Variants in FAM186B observed in about 807,000 individuals in gnomAD.
The protein encoded by FAM186B is family with sequence similarity 186 member B.
FAM186B carries 68 observed loss-of-function variants against 83.4 expected under a neutral mutation model. The ratio of observed to expected loss-of-function variants is 0.81; its 90% CI spans 0.67 to 1.00. The LOEUF (loss-of-function observed/expected upper bound fraction) is 1.00. Among genes scored for constraint, FAM186B ranks in the 50% least tolerant of loss-of-function variants. The probability of loss-of-function intolerance (pLI) is 0.00; values close to 1 mark genes in which losing one functional copy is unlikely to be tolerated. For missense variants in FAM186B, 983 were observed against 1,099.2 expected (o/e 0.89, Z 1.49); for synonymous variants, 389 against 422.0 (o/e 0.92, Z 0.96).
At position 49,599,972 on chromosome 12, in the gene FAM186B, C is replaced by T; in HGVS notation, c.1668G>A (p.Glu556=). Residue 556 remains glutamate (E), a synonymous_variant, in exon 4 of 7, where the codon GAG becomes GAA. Coordinates refer to ENST00000257894, the MANE Select transcript of FAM186B (RefSeq NM_032130.3). ...REPEQLGEDV[E]RRIFTPTSRW... ...GACTGGTGGGTGTGAAGATCCTCCT[C>T]TCCACATCCTCCCCTAGCTGCTCTG... is the stretch of plus-strand genomic sequence containing the variant. 1 of 1,613,814 alleles carries T rather than the reference C, an allele frequency of 6.2e-7. No homozygotes were observed. The highest frequency in any genetic ancestry group is 2.2e-5 in the East Asian group (1 of 44,880).
At chr12:49,592,146 T>A (rs538283354) in intron 5 of FAM186B, among the ~76,000 whole-genome samples, 3 of 152,274 alleles carry the variant, frequency 2.0e-5, no homozygotes, top group East Asian at 3.9e-4. Flanking sequence ...TGAAATAATA[T>A]TATTTGAAAG....
rs1233476196 is a variant in FAM186B, at chr12:49,605,626, A to ACCAGGTT, written c.-156_-150dup. On this transcript the variant is annotated 5_prime_UTR_variant, in exon 1 of 7. Transcript: ENST00000257894. ...ACAGCTCCTCTGGTAACTGCCAAACACCAGGTTCCAACTGATCCTCTTTTC... is the reference window on the plus strand; with the variant it reads ...ACAGCTCCTCTGGTAACTGCCAAACACCAGGTTCCAGGTTCCAACTGATCCTCTTTTC... 2.8e-6 allele frequency: 2 copies of ACCAGGTT among 723,156 alleles called. No homozygotes were observed. The highest frequency in any genetic ancestry group is 4.5e-6 in the Non-Finnish European group (2 of 448,800). 44.8% of individuals were successfully genotyped at this position (723,156 alleles called of 1,614,324 possible). A position where few individuals can be genotyped will look rare whatever the true frequency, so the allele number is the denominator to read the frequency against.
the FAM186B span, among the ~76,000 whole-genome samples, chr12:49,615,508 G>T: frequency 6.6e-6 from 1 of 152,148 alleles, no homozygotes; most frequent in East Asian, 1.9e-4. Context: ...TTATACAAAT[G>T]GGCCAGGTGC....
intron 3 of FAM186B, among the ~76,000 whole-genome samples, chr12:49,602,047 T>A (rs1565812328): frequency 1.3e-5 from 2 of 152,242 alleles, no homozygotes; most frequent in Non-Finnish European, 2.9e-5. Context: ...CTGATTTGCC[T>A]TGGGCAATTT....
chr12:49,588,155 C>T (rs1939492043), intron 6 of FAM186B, among the ~76,000 whole-genome samples: 1 of 152,232 alleles, frequency 6.6e-6, no homozygotes, highest in Non-Finnish European at 1.5e-5. Context: ...CAAATCGATG[C>T]TCAGGGTAGA....
At chr12:49,613,526 CA>C in the FAM186B span, among the ~76,000 whole-genome samples, 3,356 of 102,686 alleles carry the variant, frequency 0.033, 52 homozygotes, top group Middle Eastern at 0.065. Flanking sequence ...GACTCCATCT[CA>C]AAAAAAAAAA....
In FAM186B at chr12:49,604,309, T is replaced by C; in HGVS notation, c.322+4A>G. ...GAGGCACGGTGCCCAGCCTGCAAAC[T>C]CACCCCAGTCACCCAGCCAGCGGAG... On this transcript the variant is annotated splice_donor_region_variant and intron_variant, in intron 2 of 6. Transcript: ENST00000257894. 5 of 1,611,884 alleles carry C rather than the reference T, an allele frequency of 3.1e-6. No homozygotes were observed. The highest frequency in any genetic ancestry group is 3.4e-6 in the Non-Finnish European group (4 of 1,178,114).
At position 49,599,622 on chromosome 12, in the gene FAM186B, A is replaced by G. The variant is rs1392014170; in HGVS notation, c.2018T>C (p.Leu673Pro). ...CTCAGACTCCTCACTCAGGAGCTGC[A>G]GGTTCTTCCTCTGGGCCTCCATGTC... Reference protein sequence around the residue: ...HMDMEAQRKNLQLLSEESELR... With the variant: ...HMDMEAQRKNPQLLSEESELR... Residue 673 changes from leucine (L) to proline (P), a missense_variant, in exon 4 of 7, where the codon CTG becomes CCG. Leu to Pro is a moderately conservative substitution (Grantham distance 98). Coordinates refer to ENST00000257894, the MANE Select transcript of FAM186B (RefSeq NM_032130.3). The G allele has an allele frequency of 2.5e-6, 4 of 1,610,312 alleles. No individual in the cohort carries two copies. Among genetic ancestry groups the G allele is most frequent in the African/African-American group, 1.3e-5 (1 of 74,800 alleles).
chr12:49,591,776 A>G (rs1939586257), intron 5 of FAM186B, among the ~76,000 whole-genome samples: 1 of 152,210 alleles, frequency 6.6e-6, no homozygotes, highest in African/African-American at 2.4e-5. Context: ...ACATGCTTAT[A>G]TAAAATGGTG....
the FAM186B span, among the ~76,000 whole-genome samples, chr12:49,622,154 C>T: frequency 6.6e-6 from 1 of 152,222 alleles, no homozygotes; most frequent in Non-Finnish European, 1.5e-5. Flanking sequence ...ATCGCGGCAG[C>T]CCCCGGGGGA....
At chr12:49,604,941 G>GTTA (rs1939978544) in intron 1 of FAM186B, among the ~76,000 whole-genome samples, 1 of 152,146 alleles carries the variant, frequency 6.6e-6, no homozygotes, top group Non-Finnish European at 1.5e-5. Flanking sequence ...GAAACTCTAG[G>GTTA]ATCAGAGGCT....
the FAM186B span, among the ~76,000 whole-genome samples, chr12:49,611,657 G>A: frequency 1.1e-3 from 1 of 928 alleles, no homozygotes; most frequent in Non-Finnish European, 2.7e-3. Context: ...TCAGGGGATC[G>A]AGACCATCCT....
intron 5 of FAM186B, among the ~76,000 whole-genome samples, chr12:49,590,243 CAA>C (rs1378616444): frequency 6.6e-6 from 1 of 151,628 alleles, no homozygotes; most frequent in Non-Finnish European, 1.5e-5. Context: ...TTTATCTAAA[CAA>C]AGAGAAAAGG....
chr12:49,594,788 T>A (rs1162056865), intron 5 of FAM186B, among the ~76,000 whole-genome samples: 1 of 151,708 alleles, frequency 6.6e-6, no homozygotes, highest in Non-Finnish European at 1.5e-5. Context: ...GGCAAGAGAA[T>A]CGCCTGAACC....
At chr12:49,615,259 T>C in the FAM186B span, among the ~76,000 whole-genome samples, 1,106 of 152,156 alleles carry the variant, frequency 7.3e-3, 12 homozygotes, top group African/African-American at 0.025. Context: ...CAAAAACCTA[T>C]TGAAATTTTT....
chr12:49,585,727 G>A (rs918217086), downstream of FAM186B, among the ~76,000 whole-genome samples: 2 of 152,190 alleles, frequency 1.3e-5, no homozygotes, highest in African/African-American at 2.4e-5. Context: ...CAGGGGAGCC[G>A]GTGAGGTCGG....
At chr12:49,586,763 G>A (rs771583026), downstream of FAM186B, among the ~76,000 whole-genome samples, 4 of 152,248 alleles carry the variant, frequency 2.6e-5, no homozygotes, top group African/African-American at 4.8e-5. Context: ...TGCACTGGGT[G>A]GGCTGGAATG....
chr12:49,614,635 C>T, the FAM186B span, among the ~76,000 whole-genome samples: 1 of 152,030 alleles, frequency 6.6e-6, no homozygotes, highest in Non-Finnish European at 1.5e-5. Flanking sequence ...GCACTGTGCT[C>T]AATATCTGGG....
the FAM186B span, among the ~76,000 whole-genome samples, chr12:49,620,287 G>T: frequency 6.6e-6 from 1 of 152,152 alleles, no homozygotes; most frequent in African/African-American, 2.4e-5. Context: ...GCATGTTTTG[G>T]ATGTTATATG....
Sources: gnomAD v4.1 joint callset for allele counts (sites outside exome capture counted in the v4.1 genomes callset) on GRCh38, gnomAD v4.1.1 for gene constraint, MANE v1.5 for transcripts, NCBI Gene and HGNC (gene_info 2026-07-23, HGNC 2026-07-21) for gene names.